Variants in NRN1 observed in about 807,000 individuals in gnomAD.
The protein encoded by NRN1 is neuritin 1.
NRN1 carries 4 observed loss-of-function variants against 15.0 expected under a neutral mutation model. The ratio of observed to expected loss-of-function variants is 0.27; its 90% confidence interval spans 0.13 to 0.61. NRN1 has a LOEUF of 0.61. Ranked by LOEUF, NRN1 falls within the 20% of genes least tolerant of loss-of-function variation. The pLI is 0.87. For missense variants in NRN1, 134 were observed against 181.9 expected (o/e 0.74, Z 1.51); for synonymous variants, 85 against 79.8 (o/e 1.07, Z -0.35).
At chr6:6,004,760 C>CG (rs1758063443) in intron 1 of NRN1, among the ~76,000 whole-genome samples, 1 of 152,164 alleles carries the variant, frequency 6.6e-6, no homozygotes, top group South Asian at 2.1e-4. Flanking sequence ...CCCGCTTAGG[C>CG]GAGACTCTAG....
upstream of NRN1, among the ~76,000 whole-genome samples, chr6:6,007,220 C>A (rs1192726316): frequency 6.6e-6 from 1 of 152,150 alleles, no homozygotes; most frequent in Admixed American, 6.5e-5. Flanking sequence ...ACCCCTGCCT[C>A]TTCCTCGTTC....
chr6:6,006,942 A>G, upstream of NRN1: 2 of 175,666 alleles, frequency 1.1e-5, no homozygotes, highest in South Asian at 5.7e-5. Flanking sequence ...AGAGAGAAAG[A>G]GAGAGAGAGA....
At position 5,999,330 on chromosome 6, in the gene NRN1, C is replaced by T. The variant is rs901267059; in HGVS notation, c.201-126G>A. 6.1e-5 allele frequency: 45 copies of T among 736,360 alleles called. No homozygotes were observed. The African/African-American group carries it at 7.2e-4, about 12-fold the overall frequency. The allele number at this position is 736,360 out of a possible 1,614,324, so 45.6% of individuals were successfully genotyped here. On this transcript the variant is annotated intron_variant, in intron 2 of 2. Transcript: ENST00000244766. ...ACTTCCCGGGGTGTCCCCTCCCTAC[C>T]TTCTCTTCACCGCCCTGGCGCCTGG...
At chr6:6,002,271 GC>G in intron 2 of NRN1, 81 bp downstream of exon 2, 1 of 1,527,282 alleles carries the variant, frequency 6.5e-7, no homozygotes, top group Non-Finnish European at 9.0e-7. Flanking sequence ...TGAACGCTGA[GC>G]GCAGGCGGGG....
Position 6,006,774 on chromosome 6 carries a change from G to T in NRN1, c.-25C>A, listed in dbSNP as rs369557126. On this transcript the variant is annotated 5_prime_UTR_variant, in exon 1 of 3. Coordinates refer to ENST00000244766, the MANE Select transcript of NRN1 (RefSeq NM_016588.3). ...TCCTACGTTTAGTCAAACCATTTGC[G>T]ACCGCAGACCTTTAAATAGTTAGTT... The T allele has an allele frequency of 8.6e-5, 139 of 1,611,582 alleles. No individual in the cohort carries two copies. The highest frequency in any genetic ancestry group is 1.1e-4 in the Non-Finnish European group (132 of 1,177,840).
At position 6,003,288 on chromosome 6, in the gene NRN1, G is replaced by T. The variant is rs747451669; in HGVS notation, c.56-791C>A. 3.3e-6 allele frequency: 4 copies of T among 1,229,794 alleles called. No individual in the cohort carries two copies. In the Admixed American group the frequency reaches 1.3e-4, roughly 39 times the overall value. The allele number at this position is 1,229,794 out of a possible 1,614,324, so 76.2% of individuals were successfully genotyped here. ...TGATGAGTGGTCTGGAGAGGAGAAGGCCAGAGGCCGGGCGGGGTCACGGAT... is the reference window on the plus strand; with the variant it reads ...TGATGAGTGGTCTGGAGAGGAGAAGTCCAGAGGCCGGGCGGGGTCACGGAT... On this transcript the variant is annotated intron_variant, in intron 1 of 2. Coordinates refer to ENST00000244766, the MANE Select transcript of NRN1 (RefSeq NM_016588.3).
intron 1 of NRN1, among the ~76,000 whole-genome samples, chr6:6,003,447 A>T (rs564380320): frequency 2.0e-5 from 3 of 151,892 alleles, no homozygotes; most frequent in African/African-American, 7.3e-5. Flanking sequence ...GCCCGCCTAC[A>T]CTCCGGACGG....
At chr6:6,002,590 C>T in intron 1 of NRN1, 93 bp from the exon 2 acceptor site, 1 of 1,510,204 alleles carries the variant, frequency 6.6e-7, no homozygotes, top group Non-Finnish European at 8.9e-7. Flanking sequence ...CGCGCGGCCT[C>T]ATCGCATCGG....
intron 1 of NRN1, among the ~76,000 whole-genome samples, chr6:6,006,484 C>T (rs1758112521): frequency 6.6e-6 from 1 of 152,232 alleles, no homozygotes; most frequent in South Asian, 2.1e-4. Context: ...CGGCCGCACA[C>T]ATTTCCTGGC....
intron 1 of NRN1, among the ~76,000 whole-genome samples, chr6:6,005,068 G>A (rs933974417): frequency 1.4e-4 from 22 of 152,066 alleles, no homozygotes; most frequent in Admixed American, 2.6e-4. Flanking sequence ...TCAACAAATA[G>A]TCATTTTTGG....
chr6:6,003,553 T>C, intron 1 of NRN1: 1 of 554,644 alleles, frequency 1.8e-6, no homozygotes, highest in Non-Finnish European at 2.7e-6. Flanking sequence ...CAGGACTCCC[T>C]GCAGAGAGCA....
chr6:5,999,962 G>A lies in NRN1; in HGVS notation c.201-758C>T, dbSNP rs1169167231. On this transcript the variant is annotated intron_variant, in intron 2 of 2. Transcript: ENST00000244766. ...TCCCCGGGGTCGGTGAGTGTTAGTGGCCGAGCACCTGGGGCCGGCCTCGTA... is the reference window on the plus strand; with the variant it reads ...TCCCCGGGGTCGGTGAGTGTTAGTGACCGAGCACCTGGGGCCGGCCTCGTA... 2.6e-5 allele frequency among the ~76,000 whole-genome samples: 4 copies of A among 152,106 alleles called. No individual in the cohort carries two copies. In the East Asian group the frequency reaches 7.7e-4, roughly 29 times the overall value.
At chr6:6,000,175 T>G (rs1300482810) in intron 2 of NRN1, among the ~76,000 whole-genome samples, 1 of 152,144 alleles carries the variant, frequency 6.6e-6, no homozygotes, top group African/African-American at 2.4e-5. Context: ...CTGCCAACCT[T>G]CGAGGACTCC....
chr6:6,002,487 C>A lies in NRN1; in HGVS notation c.66G>T (p.Val22=), dbSNP rs762066517. The part of the protein sequence containing the change: ...LILAVQIAYL[V]QAVRAAGKCD... ...ACTTGCCCGCTGCTCTCACGGCCTG[C>A]ACCAGATACGCTGCGGGGAGGAGGG... The change falls in exon 2 of 3, where the codon GTG becomes GTT. Residue 22 remains valine, a synonymous_variant. Transcript: ENST00000244766. 1 of 1,613,754 alleles carries A rather than the reference C, an allele frequency of 6.2e-7. No individual in the cohort carries two copies.
chr6:6,002,677 A>G, intron 1 of NRN1, 180 bp from the exon 2 acceptor site: 1 of 745,304 alleles, frequency 1.3e-6, no homozygotes, highest in Non-Finnish European at 2.1e-6. Flanking sequence ...GGAATGCCCG[A>G]CCTGCAGCTA....
upstream of NRN1, among the ~76,000 whole-genome samples, chr6:6,007,156 G>A (rs1264878515): frequency 6.6e-6 from 1 of 152,048 alleles, no homozygotes; most frequent in Admixed American, 6.5e-5. Context: ...ATTAATGTGC[G>A]ATCTGAACGA....
chr6:6,002,556 C>A, intron 1 of NRN1, 59 bp from the exon 2 acceptor site: 1 of 1,579,302 alleles, frequency 6.3e-7, no homozygotes, highest in South Asian at 1.1e-5. Context: ...CCGCCCACTG[C>A]CCTTTCCTGC....
At chr6:6,003,397 C>T (rs1419777637) in intron 1 of NRN1, 4 of 518,838 alleles carry the variant, frequency 7.7e-6, no homozygotes, top group Non-Finnish European at 8.9e-6. Flanking sequence ...CGCCACTCGG[C>T]TCCCCAGACA....
At position 6,006,804 on chromosome 6, in the gene NRN1, G is replaced by C; in HGVS notation, c.-55C>G. 6.3e-7 allele frequency: 1 copy of C among 1,583,088 alleles called. No individual in the cohort carries two copies. Among genetic ancestry groups the C allele is most frequent in the Non-Finnish European group, 8.7e-7 (1 of 1,151,894 alleles). Reference sequence around the variant, plus strand: ...CAGACCTTTAAATAGTTAGTTTAGAGAACGCGGGGGAAAGCCAAAAAATAG... The same window carrying C: ...CAGACCTTTAAATAGTTAGTTTAGACAACGCGGGGGAAAGCCAAAAAATAG... On this transcript the variant is annotated 5_prime_UTR_variant, in exon 1 of 3. Transcript: ENST00000244766.
Sources: allele counts gnomAD v4.1 joint callset (sites outside exome capture counted in the v4.1 genomes callset), GRCh38; gene constraint gnomAD v4.1.1; transcripts MANE v1.5; gene names NCBI Gene and HGNC (gene_info 2026-07-23, HGNC 2026-07-21).